Variants in RALYL observed in about 807,000 individuals in gnomAD.
The protein encoded by RALYL is RNA-binding Raly-like protein.
RALYL carries 29 observed loss-of-function variants against 35.1 expected under a neutral mutation model. The observed-to-expected ratio is 0.83, with a 90% CI of 0.61 to 1.13. The LOEUF (loss-of-function observed/expected upper bound fraction) is 1.13. Ranked by LOEUF, RALYL falls within the 50% of genes most tolerant of loss-of-function variation. The probability of loss-of-function intolerance (pLI) is 0.00; values close to 1 mark genes in which losing one functional copy is unlikely to be tolerated. For synonymous variants in RALYL, 120 were observed against 127.6 expected, an observed-to-expected ratio of 0.94 and a Z score of 0.40; for missense variants, 359 against 360.4, an observed-to-expected ratio of 1.00 and a Z score of 0.03.
chr8:84,755,312 C>A (rs558223303), intron 2 of RALYL, among the ~76,000 whole-genome samples: 1 of 152,204 alleles, frequency 6.6e-6, no homozygotes, highest in East Asian at 1.9e-4. Context: ...TTGTTGTTAA[C>A]CCGATATCAG....
At position 84,579,258 on chromosome 8, in the gene RALYL, C is replaced by T. The variant is rs1311967856; in HGVS notation, c.256+49681C>T. Among the ~76,000 whole-genome samples the T allele has an allele frequency of 6.6e-5, 10 of 152,306 alleles. 1 individual carries two copies. The Middle Eastern group carries it at 0.01, about 155-fold the overall frequency. ...AGGTTGCAACAGCACCCAGGCTTGGCCACAACTTTGCTCCGCCCACTCCCG... is the reference window on the plus strand; with the variant it reads ...AGGTTGCAACAGCACCCAGGCTTGGTCACAACTTTGCTCCGCCCACTCCCG... On this transcript the variant is annotated intron_variant, in intron 2 of 8. Coordinates refer to ENST00000521268, the MANE Select transcript of RALYL (RefSeq NM_173848.7).
intron 1 of RALYL, among the ~76,000 whole-genome samples, chr8:84,247,079 T>C (rs1829252959): frequency 6.6e-6 from 1 of 152,130 alleles, no homozygotes; most frequent in African/African-American, 2.4e-5. Flanking sequence ...TTAGTGAAAT[T>C]ATCCAAATGG....
intron 1 of RALYL, among the ~76,000 whole-genome samples, chr8:84,234,533 A>G (rs1202267061): frequency 2.0e-5 from 3 of 152,158 alleles, no homozygotes; most frequent in African/African-American, 4.8e-5. Context: ...ATGTTTCATA[A>G]CTGATTCAGC....
intron 2 of RALYL, among the ~76,000 whole-genome samples, chr8:84,703,494 G>A (rs1186991351): frequency 2.0e-5 from 3 of 152,136 alleles, no homozygotes; most frequent in Non-Finnish European, 2.9e-5. Context: ...GATGAGGCTG[G>A]AGGGTGGGGG....
chr8:84,280,378 T>G (rs910907113), intron 1 of RALYL, among the ~76,000 whole-genome samples: 1 of 152,144 alleles, frequency 6.6e-6, no homozygotes, highest in African/African-American at 2.4e-5. Context: ...TTACAGATAT[T>G]TTTAAAATTT....
intron 1 of RALYL, among the ~76,000 whole-genome samples, chr8:84,236,609 A>T (rs13274908): frequency 0.35 from 52,845 of 151,976 alleles, 10,314 homozygotes; most frequent in Non-Finnish European, 0.44. Flanking sequence ...AGGAAAAGAG[A>T]TGCAGAAAGG....
intron 1 of RALYL, among the ~76,000 whole-genome samples, chr8:84,506,028 T>C (rs1247030151): frequency 2.6e-5 from 4 of 152,230 alleles, no homozygotes; most frequent in Admixed American, 1.3e-4. Context: ...AATGGTAGGA[T>C]TGACAAACCT....
intron 1 of RALYL, among the ~76,000 whole-genome samples, chr8:84,358,547 G>A (rs1852323215): frequency 2.0e-5 from 3 of 152,128 alleles, no homozygotes; most frequent in South Asian, 4.1e-4. Flanking sequence ...AGTGAATGAT[G>A]GATTAGTAAA....
chr8:84,227,810 G>A (rs766081683), intron 1 of RALYL, among the ~76,000 whole-genome samples: 4 of 152,070 alleles, frequency 2.6e-5, no homozygotes, highest in Non-Finnish European at 4.4e-5. Flanking sequence ...TTTCATTATT[G>A]TAATAGTGCC....
chr8:84,516,120 A>G (rs938042505), intron 1 of RALYL, among the ~76,000 whole-genome samples: 2 of 152,106 alleles, frequency 1.3e-5, no homozygotes, highest in Non-Finnish European at 2.9e-5. Flanking sequence ...AATAGTAGAC[A>G]TCTGGGTTTC....
chr8:84,425,051 A>G (rs376762266), intron 1 of RALYL, among the ~76,000 whole-genome samples: 73 of 151,972 alleles, frequency 4.8e-4, no homozygotes, highest in African/African-American at 9.9e-4. Flanking sequence ...AGGCAGGCAG[A>G]CCTCCTTGAG....
At chr8:84,785,172 A>G (rs1819107208) in intron 3 of RALYL, among the ~76,000 whole-genome samples, 1 of 152,136 alleles carries the variant, frequency 6.6e-6, no homozygotes, top group South Asian at 2.1e-4. Context: ...GGGGTACCTG[A>G]GCAGGTCTGT....
At position 84,492,485 on chromosome 8, in the gene RALYL, C is replaced by T. The variant is rs191167219; in HGVS notation, c.-23-36814C>T. On this transcript the variant is annotated intron_variant, in intron 1 of 8. Coordinates refer to ENST00000521268, the MANE Select transcript of RALYL (RefSeq NM_173848.7). Reference sequence around the variant, plus strand: ...CATTGAAACTCCTTTGCTTAGCCTTCAAAGTCTGCAGTCTGACCTTACTTT... The same window carrying T: ...CATTGAAACTCCTTTGCTTAGCCTTTAAAGTCTGCAGTCTGACCTTACTTT... Among the ~76,000 whole-genome samples, 4 of 152,212 alleles carry T rather than the reference C, an allele frequency of 2.6e-5. No individual in the cohort carries two copies. The East Asian group carries it at 7.7e-4, about 29-fold the overall frequency.
chr8:84,744,206 C>T lies in RALYL; in HGVS notation c.257-30373C>T, dbSNP rs892910037. 3.9e-5 allele frequency among the ~76,000 whole-genome samples: 6 copies of T among 151,958 alleles called. No individual in the cohort carries two copies. The East Asian group carries it at 7.7e-4, about 20-fold the overall frequency. On this transcript the variant is annotated intron_variant, in intron 2 of 8. Transcript: ENST00000521268. Reference sequence around the variant, plus strand: ...GAATGGAATCAGAACAGGAAGCAAACATTTGCTTAGCCACTGCTCACTCTG... The same window carrying T: ...GAATGGAATCAGAACAGGAAGCAAATATTTGCTTAGCCACTGCTCACTCTG...
intron 2 of RALYL, among the ~76,000 whole-genome samples, chr8:84,600,923 G>A (rs1285836553): frequency 2.0e-5 from 3 of 151,932 alleles, no homozygotes; most frequent in Non-Finnish European, 4.4e-5. Flanking sequence ...GATGCTATTG[G>A]TTATCAACAA....
At chr8:84,449,639 T>C (rs1179385161) in intron 1 of RALYL, among the ~76,000 whole-genome samples, 1 of 152,006 alleles carries the variant, frequency 6.6e-6, no homozygotes. Context: ...GAAGCTAAGG[T>C]TCAGAGCCAA....
chr8:84,544,408 A>G (rs1316439348), intron 2 of RALYL, among the ~76,000 whole-genome samples: 1 of 151,938 alleles, frequency 6.6e-6, no homozygotes, highest in Non-Finnish European at 1.5e-5. Context: ...TGTGTTAAAC[A>G]TACTTTTATC....
At chr8:84,414,893 C>T (rs958030055) in intron 1 of RALYL, among the ~76,000 whole-genome samples, 9 of 152,106 alleles carry the variant, frequency 5.9e-5, no homozygotes, top group African/African-American at 1.9e-4. Flanking sequence ...GTTCTTACCC[C>T]TGAATGTTTG....
intron 4 of RALYL, among the ~76,000 whole-genome samples, chr8:84,819,971 G>A (rs1381137162): frequency 6.6e-6 from 1 of 151,670 alleles, no homozygotes; most frequent in Non-Finnish European, 1.5e-5. Flanking sequence ...TATATCATAG[G>A]GAACCCTGCC....
Sources: gnomAD v4.1 joint callset for allele counts (sites outside exome capture counted in the v4.1 genomes callset) on GRCh38, gnomAD v4.1.1 for gene constraint, MANE v1.5 for transcripts, NCBI Gene and HGNC (gene_info 2026-07-23, HGNC 2026-07-21) for gene names.